The following GAB2 variants were observed in gnomAD, a reference collection of about 807,000 sequenced individuals.
GAB2 encodes GRB2 associated binding protein 2.
Under a neutral mutation model 65.5 loss-of-function variants are expected in GAB2, and 26 were observed. The ratio of observed to expected loss-of-function variants is 0.40; its 90% CI spans 0.29 to 0.55. The LOEUF is 0.55. Among genes scored for constraint, GAB2 ranks in the 20% least tolerant of loss-of-function variants. The pLI, the probability that GAB2 is intolerant of heterozygous loss-of-function variation, is 0.53. For missense variants in GAB2, 884 were observed against 875.8 expected (o/e 1.01, Z -0.12); for synonymous variants, 321 against 329.6 (o/e 0.97, Z 0.28).
chr11:78,254,770 C>T (rs1403874937), intron 2 of GAB2, among the ~76,000 whole-genome samples: 2 of 151,170 alleles, frequency 1.3e-5, no homozygotes, highest in African/African-American at 4.9e-5. Flanking sequence ...CTGCAATCAG[C>T]CAAGATGACA....
intron 1 of GAB2, among the ~76,000 whole-genome samples, chr11:78,349,839 T>C (rs1856247731): frequency 6.6e-6 from 1 of 151,890 alleles, no homozygotes. Flanking sequence ...GGCTCCTCCA[T>C]GTTCACCCAC....
intron 1 of GAB2, among the ~76,000 whole-genome samples, chr11:78,369,300 G>C (rs1039610054): frequency 1.3e-5 from 2 of 152,098 alleles, no homozygotes; most frequent in Non-Finnish European, 2.9e-5. Flanking sequence ...CTTTTAACTG[G>C]GTTAGTTTAC....
intron 1 of GAB2, among the ~76,000 whole-genome samples, chr11:78,310,513 CAA>C (rs11285625): frequency 5.4e-4 from 40 of 74,704 alleles, no homozygotes; most frequent in Middle Eastern, 6.4e-3. Context: ...GACTCTGTCT[CAA>C]AAAAAAAAAA....
At chr11:78,393,836 TA>T (rs1456748361) in intron 1 of GAB2, among the ~76,000 whole-genome samples, 1 of 152,206 alleles carries the variant, frequency 6.6e-6, no homozygotes, top group African/African-American at 2.4e-5. Context: ...CAGAAATCCA[TA>T]AGGTAGTTAT....
At chr11:78,338,904 C>T (rs747161953) in intron 1 of GAB2, among the ~76,000 whole-genome samples, 2 of 152,088 alleles carry the variant, frequency 1.3e-5, no homozygotes, top group African/African-American at 2.4e-5. Context: ...TGGTCATCTT[C>T]TCCTGATTCC....
chr11:78,261,145 T>A (rs1360421450), intron 2 of GAB2, among the ~76,000 whole-genome samples: 1 of 152,058 alleles, frequency 6.6e-6, no homozygotes, highest in Non-Finnish European at 1.5e-5. Flanking sequence ...TAGCTGGGCA[T>A]TGTGGCAGAT....
intron 2 of GAB2, among the ~76,000 whole-genome samples, chr11:78,275,929 C>T (rs1443575862): frequency 1.3e-5 from 2 of 151,914 alleles, no homozygotes; most frequent in Non-Finnish European, 2.9e-5. Flanking sequence ...GCCTGGACAA[C>T]AGGGTGAAAC....
At chr11:78,287,342 G>A (rs1866511256) in intron 1 of GAB2, among the ~76,000 whole-genome samples, 1 of 150,446 alleles carries the variant, frequency 6.6e-6, no homozygotes, top group African/African-American at 2.5e-5. Flanking sequence ...GCAGAGGCAT[G>A]AACATGGCTC....
At chr11:78,233,757 C>T (rs1360622955) in intron 3 of GAB2, among the ~76,000 whole-genome samples, 1 of 152,148 alleles carries the variant, frequency 6.6e-6, no homozygotes, top group African/African-American at 2.4e-5. Flanking sequence ...TAGATGAGCA[C>T]ATCCACGCCT....
chr11:78,283,286 T>C (rs550503207), intron 1 of GAB2, among the ~76,000 whole-genome samples: 7 of 152,332 alleles, frequency 4.6e-5, no homozygotes, highest in African/African-American at 1.7e-4. Context: ...CTAGGGAGCA[T>C]AGACAGTCCA....
chr11:78,228,958 A>AT (rs1864763258), intron 3 of GAB2, among the ~76,000 whole-genome samples: 1 of 152,004 alleles, frequency 6.6e-6, no homozygotes, highest in African/African-American at 2.4e-5. Context: ...GGATTTGTTC[A>AT]TTTTACATTT....
chr11:78,281,625 T>G (rs1866338426), intron 1 of GAB2, among the ~76,000 whole-genome samples: 1 of 152,240 alleles, frequency 6.6e-6, no homozygotes, highest in African/African-American at 2.4e-5. Flanking sequence ...CCACATGACC[T>G]GTCCCCTTTT....
chr11:78,336,326 CAAAAAAAAAAAAAAAAAA>C (rs71046966), intron 1 of GAB2, among the ~76,000 whole-genome samples: 36 of 19,256 alleles, frequency 1.9e-3, no homozygotes, highest in East Asian at 7.0e-3. Context: ...GACTGTCTCT[CAAAAAAAAAAAAAAAAAA>C]AAAAAAAAAA....
intron 1 of GAB2, among the ~76,000 whole-genome samples, chr11:78,336,618 T>A (rs1182503768): frequency 6.6e-6 from 1 of 152,048 alleles, no homozygotes; most frequent in African/African-American, 2.4e-5. Flanking sequence ...GGTAAAGTGC[T>A]TTGTTTTATA....
At chr11:78,240,057 C>T (rs540632302) in intron 3 of GAB2, among the ~76,000 whole-genome samples, 3 of 152,056 alleles carry the variant, frequency 2.0e-5, no homozygotes, top group Non-Finnish European at 4.4e-5. Context: ...ACCTGCCCCT[C>T]TCCCCACTCC....
chr11:78,283,700 T>C (rs1308345586), intron 1 of GAB2, among the ~76,000 whole-genome samples: 1 of 151,992 alleles, frequency 6.6e-6, no homozygotes, highest in Non-Finnish European at 1.5e-5. Flanking sequence ...TTGATCTCTC[T>C]CCAACATCTG....
At chr11:78,407,750 A>AAGAAAGAAAGAAAGAAAG (rs1857072807) in intron 1 of GAB2, among the ~76,000 whole-genome samples, 2 of 134,878 alleles carry the variant, frequency 1.5e-5, no homozygotes, top group Non-Finnish European at 3.3e-5. Context: ...AAGAAAGAAA[A>AAGAAAGAAAGAAAGAAAG]AGAAAGAAAG....
intron 1 of GAB2, among the ~76,000 whole-genome samples, chr11:78,294,054 C>T (rs1472197352): frequency 1.3e-5 from 2 of 152,112 alleles, no homozygotes; most frequent in Non-Finnish European, 2.9e-5. Flanking sequence ...TCTCCTAATG[C>T]TATCCCCTCC....
intron 1 of GAB2, among the ~76,000 whole-genome samples, chr11:78,405,091 ATT>A (rs1174366754): frequency 0.14 from 13,302 of 91,828 alleles, 548 homozygotes; most frequent in East Asian, 0.33. Flanking sequence ...AAAAACATGG[ATT>A]TTTTTTTTTT....
Sources: gnomAD v4.1 joint callset for allele counts (sites outside exome capture counted in the v4.1 genomes callset) on GRCh38, gnomAD v4.1.1 for gene constraint, MANE v1.5 for transcripts, NCBI Gene and HGNC (gene_info 2026-07-23, HGNC 2026-07-21) for gene names.